The following C7orf78 variants were observed in gnomAD, a reference collection of about 807,000 sequenced individuals.
C7orf78 encodes putative uncharacterized protein C7orf78.
the C7orf78 span, among the ~76,000 whole-genome samples, chr7:12,514,042 T>A: frequency 0.17 from 25,096 of 152,096 alleles, 3,446 homozygotes; most frequent in African/African-American, 0.37. Flanking sequence ...ATTCTGTAGT[T>A]GTTGGAGAAA....
the C7orf78 span, among the ~76,000 whole-genome samples, chr7:12,522,236 T>A: frequency 1.3e-5 from 2 of 152,248 alleles, no homozygotes; most frequent in Non-Finnish European, 2.9e-5. Context: ...TGTTGTACTA[T>A]TTCTACTTCA....
the C7orf78 span, among the ~76,000 whole-genome samples, chr7:12,494,835 A>G: frequency 1.3e-5 from 2 of 152,204 alleles, no homozygotes; most frequent in Non-Finnish European, 2.9e-5. Context: ...GGCTGCTTTC[A>G]AACTCAACCT....
At chr7:12,527,765 G>C in the C7orf78 span, among the ~76,000 whole-genome samples, 34 of 147,788 alleles carry the variant, frequency 2.3e-4, no homozygotes, top group African/African-American at 7.8e-4. Flanking sequence ...ACTCACTTTC[G>C]TAGAAAATGC....
chr7:12,537,602 C>T, the C7orf78 span, among the ~76,000 whole-genome samples: 3 of 152,106 alleles, frequency 2.0e-5, no homozygotes, highest in African/African-American at 2.4e-5. Flanking sequence ...TAACCTATGA[C>T]ACAAAATTCC....
the C7orf78 span, among the ~76,000 whole-genome samples, chr7:12,493,552 A>G: frequency 2.0e-5 from 3 of 152,174 alleles, no homozygotes; most frequent in Non-Finnish European, 4.4e-5. Flanking sequence ...TGAGTTTCCA[A>G]TGATACTCAT....
chr7:12,507,951 G>A, the C7orf78 span, among the ~76,000 whole-genome samples: 320 of 152,180 alleles, frequency 2.1e-3, 3 homozygotes, highest in Non-Finnish European at 3.4e-3. Context: ...GCATTTTTAT[G>A]TTAGACAAAA....
At chr7:12,500,728 T>G in the C7orf78 span, among the ~76,000 whole-genome samples, 2 of 151,956 alleles carry the variant, frequency 1.3e-5, no homozygotes, top group Admixed American at 6.5e-5. Context: ...CAACTCATTT[T>G]ATGAGGCCAG....
chr7:12,522,658 A>G, the C7orf78 span, among the ~76,000 whole-genome samples: 2 of 152,050 alleles, frequency 1.3e-5, no homozygotes, highest in Non-Finnish European at 2.9e-5. Flanking sequence ...TACTTGCAAT[A>G]TCTATCCTAT....
chr7:12,497,342 C>G, the C7orf78 span, among the ~76,000 whole-genome samples: 1 of 152,226 alleles, frequency 6.6e-6, no homozygotes, highest in African/African-American at 2.4e-5. Context: ...GAGTGCCAGA[C>G]AGTGGGCACA....
the C7orf78 span, among the ~76,000 whole-genome samples, chr7:12,495,889 T>C: frequency 2.6e-5 from 4 of 152,328 alleles, no homozygotes. Context: ...CCACAACTTG[T>C]TGCGTTCCCA....
At chr7:12,495,156 G>T in the C7orf78 span, among the ~76,000 whole-genome samples, 1 of 152,004 alleles carries the variant, frequency 6.6e-6, no homozygotes, top group African/African-American at 2.4e-5. Context: ...TCATTCATCC[G>T]GGGGATATTA....
chr7:12,487,126 C>T, the C7orf78 span: 3 of 151,916 alleles, frequency 2.0e-5, no homozygotes, highest in African/African-American at 7.2e-5. Flanking sequence ...AGAGATAACT[C>T]TTTTTTCTAC....
chr7:12,511,965 C>T, the C7orf78 span, among the ~76,000 whole-genome samples: 49 of 111,352 alleles, frequency 4.4e-4, no homozygotes, highest in Admixed American at 1.4e-3. Flanking sequence ...TCAGTAGAGA[C>T]GGGGTTTCAC....
chr7:12,535,812 C>A, the C7orf78 span, among the ~76,000 whole-genome samples: 1 of 152,192 alleles, frequency 6.6e-6, no homozygotes, highest in African/African-American at 2.4e-5. Context: ...AGACCCCATG[C>A]AAGTCCGAAA....
chr7:12,536,547 G>A, the C7orf78 span, among the ~76,000 whole-genome samples: 6 of 152,100 alleles, frequency 3.9e-5, no homozygotes, highest in African/African-American at 1.4e-4. Context: ...ATTGTCTTGG[G>A]GTTTAACATT....
the C7orf78 span, among the ~76,000 whole-genome samples, chr7:12,523,616 A>T: frequency 6.6e-6 from 1 of 152,170 alleles, no homozygotes; most frequent in Non-Finnish European, 1.5e-5. Flanking sequence ...GATAGAACAG[A>T]GAGGTAAGAA....
the C7orf78 span, among the ~76,000 whole-genome samples, chr7:12,509,022 A>G: frequency 1.6e-3 from 243 of 152,336 alleles, 1 homozygote; most frequent in African/African-American, 5.4e-3. Flanking sequence ...CAGTAAGTGT[A>G]ATGCATTTGA....
the C7orf78 span, among the ~76,000 whole-genome samples, chr7:12,520,721 G>A: frequency 3.3e-5 from 5 of 152,306 alleles, no homozygotes; most frequent in Non-Finnish European, 5.9e-5. Context: ...GGAATGTTCT[G>A]TAAACGTCTG....
the C7orf78 span, among the ~76,000 whole-genome samples, chr7:12,499,144 C>T: frequency 6.6e-6 from 1 of 152,124 alleles, no homozygotes; most frequent in East Asian, 1.9e-4. Flanking sequence ...CAAAATGTAA[C>T]AACCATAGAG....
Sources: gnomAD v4.1 joint callset for allele counts (sites outside exome capture counted in the v4.1 genomes callset) on GRCh38, gnomAD v4.1.1 for gene constraint, MANE v1.5 for transcripts, NCBI Gene and HGNC (gene_info 2026-07-23, HGNC 2026-07-21) for gene names.